SRC: variants seen among roughly 807,000 people sequenced by gnomAD.
SRC encodes the protein SRC proto-oncogene, non-receptor tyrosine kinase, also known as proto-oncogene tyrosine-protein kinase Src.
Under a neutral mutation model 62.9 loss-of-function variants are expected in SRC, and 13 were observed. The ratio of observed to expected loss-of-function variants is 0.21; its 90% CI spans 0.13 to 0.33. The LOEUF (loss-of-function observed/expected upper bound fraction) is 0.33, where lower values mean the gene tolerates loss of function less well. SRC is among the 10% of genes least tolerant of loss of function. The pLI, the probability that SRC is intolerant of heterozygous loss-of-function variation, is 1.00. For missense variants in SRC, 457 were observed against 737.3 expected (o/e 0.62, Z 4.40); for synonymous variants, 302 against 317.5 (o/e 0.95, Z 0.52).
At chr20:37,363,557 A>G (rs917640742) in intron 1 of SRC, among the ~76,000 whole-genome samples, 1 of 152,128 alleles carries the variant, frequency 6.6e-6, no homozygotes, top group African/African-American at 2.4e-5. Flanking sequence ...GTGGCCTTGT[A>G]TGTAAAACGA....
intron 1 of SRC, among the ~76,000 whole-genome samples, chr20:37,355,536 C>T (rs184470927): frequency 9.2e-5 from 14 of 152,234 alleles, no homozygotes; most frequent in East Asian, 3.9e-4. Context: ...TGTTATCCAC[C>T]GGTGATATCT....
rs962068052 is a variant in SRC at position 37,398,757 on chromosome 20, G to A, written c.859+903G>A. Reference sequence around the variant, plus strand: ...AGCAACACCTGGGTGAATGCACAGCGTCAGCCATTATGGTGGCTGCAAAAC... The same window carrying A: ...AGCAACACCTGGGTGAATGCACAGCATCAGCCATTATGGTGGCTGCAAAAC... On this transcript the variant is annotated intron_variant, in intron 9 of 13. Coordinates refer to ENST00000373578, the MANE Select transcript of SRC (RefSeq NM_198291.3). The surrounding 1 kb of genome is among the most constrained non-coding windows in gnomAD (Gnocchi z 5.2). Among the ~76,000 whole-genome samples the A allele has an allele frequency of 2.0e-5, 3 of 152,236 alleles. No individual in the cohort carries two copies. Among genetic ancestry groups the A allele is most frequent in the South Asian group, 2.1e-4 (1 of 4,832 alleles).
Position 37,397,392 on chromosome 20 carries a change from T to C in SRC, c.704-307T>C, listed in dbSNP as rs1033111047. 5.3e-5 allele frequency among the ~76,000 whole-genome samples: 8 copies of C among 152,312 alleles called. No individual in the cohort carries two copies. The highest frequency in any genetic ancestry group is 1.9e-4 in the African/African-American group (8 of 41,568). On this transcript the variant is annotated intron_variant, in intron 8 of 13. Transcript: ENST00000373578. The surrounding 1 kb of genome is among the most constrained non-coding windows in gnomAD (Gnocchi z 4.1). ...TGGGAGGTGATTAGGGAAGTGGGGCTCCTCCCTGGACTCTGAGTTCCTGAG... is the reference window on the plus strand; with the variant it reads ...TGGGAGGTGATTAGGGAAGTGGGGCCCCTCCCTGGACTCTGAGTTCCTGAG...
At chr20:37,375,982 G>A (rs751820615) in intron 2 of SRC, among the ~76,000 whole-genome samples, 2 of 152,134 alleles carry the variant, frequency 1.3e-5, no homozygotes, top group Non-Finnish European at 2.9e-5. Flanking sequence ...CCCGTCATAA[G>A]GACTCCATCC....
At chr20:37,362,436 T>C (rs1363995002) in intron 1 of SRC, among the ~76,000 whole-genome samples, 1 of 152,172 alleles carries the variant, frequency 6.6e-6, no homozygotes, top group Non-Finnish European at 1.5e-5. Context: ...CCCAAGGTTC[T>C]GTCTCCTCTT....
At chr20:37,350,578 A>C (rs1248976303) in intron 1 of SRC, among the ~76,000 whole-genome samples, 2 of 152,222 alleles carry the variant, frequency 1.3e-5, no homozygotes, top group East Asian at 3.8e-4. Flanking sequence ...CTGTTTGTCC[A>C]AAGCCAAGTC....
At chr20:37,379,510 C>T (rs1001172948) in intron 2 of SRC, among the ~76,000 whole-genome samples, 85 of 151,808 alleles carry the variant, frequency 5.6e-4, no homozygotes, top group African/African-American at 1.6e-3. Flanking sequence ...AGTGAAGAGC[C>T]GTGTAGCTTT....
At chr20:37,389,491 G>A (rs868368090) in intron 5 of SRC, among the ~76,000 whole-genome samples, 15 of 152,220 alleles carry the variant, frequency 9.9e-5, no homozygotes, top group African/African-American at 3.4e-4. Flanking sequence ...CCCCTGCCTC[G>A]CTCCTCCCTC....
intron 2 of SRC, among the ~76,000 whole-genome samples, chr20:37,367,621 C>CA (rs1041419783): frequency 6.6e-6 from 1 of 151,426 alleles, no homozygotes; most frequent in African/African-American, 2.4e-5. Context: ...ACTATAAGTG[C>CA]ATGCCACCAT....
chr20:37,367,795 C>G (rs560981547), intron 2 of SRC, among the ~76,000 whole-genome samples: 11 of 151,674 alleles, frequency 7.3e-5, no homozygotes, highest in African/African-American at 2.7e-4. Flanking sequence ...CACAGGCATG[C>G]AACACCACGC....
rs1192078472 is a variant in SRC, at chr20:37,384,823, C to T, written c.250+420C>T. On this transcript the variant is annotated intron_variant, in intron 4 of 13. Transcript: ENST00000373578. This position sits in a 1 kb window ranked among gnomAD's most constrained non-coding sequence, Gnocchi z 6.7. ...TCGGGGAACGGGGCACCGGATGGCC[C>T]CGGTTGGGCCCGCGCCAGGATGCGC... Among the ~76,000 whole-genome samples, 2 of 152,198 alleles carry T rather than the reference C, an allele frequency of 1.3e-5. No homozygotes were observed.
chr20:37,393,654 C>G, intron 5 of SRC: 1 of 532,086 alleles, frequency 1.9e-6, no homozygotes, highest in Non-Finnish European at 3.4e-6. Context: ...CCAGTCCTGC[C>G]CTGGTCCAAG....
At chr20:37,395,133 A>G (rs2070621541) in intron 7 of SRC, among the ~76,000 whole-genome samples, 1 of 152,192 alleles carries the variant, frequency 6.6e-6, no homozygotes, top group Non-Finnish European at 1.5e-5. Flanking sequence ...GGCCATCAGT[A>G]GAAAATCATG....
At chr20:37,381,910 C>T (rs1202344212) in intron 2 of SRC, among the ~76,000 whole-genome samples, 1 of 152,156 alleles carries the variant, frequency 6.6e-6, no homozygotes, top group African/African-American at 2.4e-5. Context: ...TCCCCAACCC[C>T]ACATTCTCTG....
chr20:37,371,676 T>G (rs1392367721), intron 2 of SRC, among the ~76,000 whole-genome samples: 1 of 152,180 alleles, frequency 6.6e-6, no homozygotes, highest in Non-Finnish European at 1.5e-5. Flanking sequence ...GGTTATTGAT[T>G]TGAAATCTTT....
chr20:37,363,071 C>T (rs2070001391), intron 1 of SRC, among the ~76,000 whole-genome samples: 1 of 152,158 alleles, frequency 6.6e-6, no homozygotes, highest in South Asian at 2.1e-4. Context: ...GCTGAGATAC[C>T]CCCTCCTCTG....
chr20:37,403,474 C>A lies in SRC; in HGVS notation c.*95C>A. Reference sequence around the variant, plus strand: ...CCCACTCTGCCTGCCTGCTGTTGGTCCTCTCTCTGTGGGGCTGAATTGCCA... The same window carrying A: ...CCCACTCTGCCTGCCTGCTGTTGGTACTCTCTCTGTGGGGCTGAATTGCCA... On this transcript the variant is annotated 3_prime_UTR_variant, in exon 14 of 14. Coordinates refer to ENST00000373578, the MANE Select transcript of SRC (RefSeq NM_198291.3). This position sits in a 1 kb window ranked among gnomAD's most constrained non-coding sequence, Gnocchi z 7.1. 1 of 1,351,432 alleles carries A rather than the reference C, an allele frequency of 7.4e-7. No individual in the cohort carries two copies. The allele number at this position is 1,351,432 out of a possible 1,614,324, so 83.7% of individuals were successfully genotyped here. A position where few individuals can be genotyped will look rare whatever the true frequency, so the allele number is the denominator to read the frequency against.
At chr20:37,378,004 T>G (rs1034906930) in intron 2 of SRC, among the ~76,000 whole-genome samples, 4 of 151,924 alleles carry the variant, frequency 2.6e-5, no homozygotes, top group African/African-American at 9.7e-5. Context: ...GTCACCTCAG[T>G]TATCATTCCT....
intron 1 of SRC, among the ~76,000 whole-genome samples, chr20:37,363,665 C>A (rs2070013665): frequency 6.6e-6 from 1 of 152,104 alleles, no homozygotes; most frequent in Middle Eastern, 3.2e-3. Flanking sequence ...GGTTTCTGCA[C>A]CCCCATCAGC....
Sources: gnomAD v4.1 joint callset for allele counts (sites outside exome capture counted in the v4.1 genomes callset) on GRCh38, gnomAD v4.1.1 for gene constraint, Gnocchi (gnomAD v3.1) non-coding constraint, MANE v1.5 for transcripts, NCBI Gene and HGNC (gene_info 2026-07-23, HGNC 2026-07-21) for gene names.